The following ELP1 variants were observed in gnomAD, a reference collection of about 807,000 sequenced individuals.
ELP1 encodes the protein elongator complex protein 1.
A neutral mutation model predicts 183.2 loss-of-function variants in ELP1; 131 were observed. The observed-to-expected ratio is 0.72, with a 90% confidence interval of 0.62 to 0.83. The LOEUF is 0.83. Ranked by LOEUF, ELP1 falls within the 40% of genes least tolerant of loss-of-function variation. ELP1 has a pLI of 0.00. For synonymous variants in ELP1, 555 were observed against 569.0 expected, an observed-to-expected ratio of 0.98 and a Z score of 0.35; for missense variants, 1,550 against 1,594.9, an observed-to-expected ratio of 0.97 and a Z score of 0.48.
chr9:108,919,189 T>A (rs1489871158), intron 7 of ELP1, 64 bp downstream of exon 7: 2 of 1,149,310 alleles, frequency 1.7e-6, no homozygotes, highest in African/African-American at 3.1e-5. Context: ...AGAAAGAAAA[T>A]TTTCCTTAAT....
chr9:108,926,753 A>G, intron 4 of ELP1, 150 bp from the exon 5 acceptor site: 4 of 669,364 alleles, frequency 6.0e-6, no homozygotes, highest in East Asian at 5.5e-5. Flanking sequence ...AAAAAACAAC[A>G]ATGACAAAAA....
At chr9:108,888,322 T>C (rs1358428515) in intron 29 of ELP1, among the ~76,000 whole-genome samples, 1 of 152,192 alleles carries the variant, frequency 6.6e-6, no homozygotes, top group Non-Finnish European at 1.5e-5. Flanking sequence ...ATGAGTGCAA[T>C]GGTGGTTACA....
At chr9:108,884,733 G>A (rs151060347) in intron 29 of ELP1, among the ~76,000 whole-genome samples, 130 of 152,220 alleles carry the variant, frequency 8.5e-4, no homozygotes, top group Non-Finnish European at 1.2e-3. Context: ...GGAAAATTAT[G>A]GCATTATATG....
intron 16 of ELP1, among the ~76,000 whole-genome samples, chr9:108,902,404 T>C (rs556525758): frequency 3.3e-5 from 5 of 152,300 alleles, no homozygotes; most frequent in East Asian, 3.9e-4. Context: ...TTGAAATTAA[T>C]AGATCACAAG....
chr9:108,889,188 C>T, intron 29 of ELP1, 144 bp downstream of exon 29: 1 of 810,024 alleles, frequency 1.2e-6, no homozygotes, highest in East Asian at 2.4e-5. Context: ...CAAGTCAAGC[C>T]AGCAAGATAA....
At chr9:108,899,141 AC>A (rs1352344077) in intron 20 of ELP1, among the ~76,000 whole-genome samples, 1 of 140,136 alleles carries the variant, frequency 7.1e-6, no homozygotes, top group Non-Finnish European at 1.6e-5. Context: ...TACTGAAAAT[AC>A]AAAAAAAAAA....
At chr9:108,917,845 T>C (rs1052162086) in intron 8 of ELP1, among the ~76,000 whole-genome samples, 175 bp from the exon 9 acceptor site, 2 of 152,204 alleles carry the variant, frequency 1.3e-5, no homozygotes, top group African/African-American at 4.8e-5. Context: ...GGCGAGCGGT[T>C]CATCCCACTG....
chr9:108,918,786 C>T, intron 8 of ELP1, 25 bp downstream of exon 8: 1 of 1,560,464 alleles, frequency 6.4e-7, no homozygotes, highest in Non-Finnish European at 8.8e-7. Flanking sequence ...CCAAGAATTT[C>T]TCTAAGGTTT....
chr9:108,887,096 C>A (rs1828153433), intron 29 of ELP1, among the ~76,000 whole-genome samples: 1 of 152,076 alleles, frequency 6.6e-6, no homozygotes. Flanking sequence ...GCAGTCCCAG[C>A]TACTCAGGAG....
intron 28 of ELP1, 57 bp from the exon 29 acceptor site, chr9:108,889,450 G>C: frequency 6.7e-7 from 1 of 1,482,036 alleles, no homozygotes; most frequent in Non-Finnish European, 9.4e-7. Flanking sequence ...TTTAGCTCAA[G>C]TGCTTCTTTA....
chr9:108,916,311 A>G lies in ELP1; in HGVS notation c.865-14T>C. On this transcript the variant is annotated splice_polypyrimidine_tract_variant and intron_variant, in intron 9 of 36. Coordinates refer to ENST00000374647, the MANE Select transcript of ELP1 (RefSeq NM_003640.5). ...CAAGTCATTTACCTAGAAGGGAAAA[A>G]AGATCTGTCATTGGCTTTCAGTTAT... The G allele has an allele frequency of 6.3e-7, 1 of 1,592,552 alleles. No individual in the cohort carries two copies. Among genetic ancestry groups the G allele is most frequent in the Non-Finnish European group, 8.6e-7 (1 of 1,160,354 alleles).
rs749213608 is a variant in ELP1 at position 108,894,060 on chromosome 9, T to C, written c.2743A>G (p.Lys915Glu). Residue 915 changes from lysine (K) to glutamate (E), a missense_variant, in exon 26 of 37, where the codon AAA (lysine) becomes GAA (glutamate). Coordinates refer to ENST00000374647, the MANE Select transcript of ELP1 (RefSeq NM_003640.5). ...MVAEKSQKDP[K>E]EYLPFLNTLK... ...GTATTAAGAAATGGAAGATATTCTTTGGGATCCTAAAAAAATGATTAATGA... is the reference window on the plus strand; with the variant it reads ...GTATTAAGAAATGGAAGATATTCTTCGGGATCCTAAAAAAATGATTAATGA... The C allele has an allele frequency of 2.1e-5, 31 of 1,486,014 alleles. No homozygotes were observed. Among genetic ancestry groups the C allele is most frequent in the Non-Finnish European group, 2.9e-5 (31 of 1,067,156 alleles). The allele number at this position is 1,486,014 out of a possible 1,614,324, so 92.1% of individuals were successfully genotyped here. A position where few individuals can be genotyped will look rare whatever the true frequency, so the allele number is the denominator to read the frequency against.
chr9:108,892,116 G>A (rs936281474), intron 27 of ELP1, among the ~76,000 whole-genome samples: 1 of 152,154 alleles, frequency 6.6e-6, no homozygotes, highest in Non-Finnish European at 1.5e-5. Context: ...TGGTGGAGGC[G>A]ACAAACCAGC....
rs183252953 is a variant in ELP1, at chr9:108,871,840, A to G, written c.3932-2658T>C. ...CACATAAAAGCTGCATCTTCAATAC[A>G]ACATAAAAAGGTATTTTGCAAAAAG... On this transcript the variant is annotated intron_variant, in intron 36 of 36. Coordinates refer to ENST00000374647, the MANE Select transcript of ELP1 (RefSeq NM_003640.5). Among the ~76,000 whole-genome samples the G allele has an allele frequency of 1.9e-4, 29 of 152,334 alleles. No homozygotes were observed. The East Asian group carries it at 5.4e-3, about 28-fold the overall frequency.
chr9:108,929,228 G>T (rs1419795510), intron 3 of ELP1, among the ~76,000 whole-genome samples: 1 of 150,814 alleles, frequency 6.6e-6, no homozygotes, highest in Non-Finnish European at 1.5e-5. Context: ...CTGTTAAGAA[G>T]GTGAGGATAG....
chr9:108,896,755 A>C, intron 24 of ELP1, 111 bp from the exon 25 acceptor site: 1 of 1,112,024 alleles, frequency 9.0e-7, no homozygotes, highest in Non-Finnish European at 1.4e-6. Flanking sequence ...ACTGGACATC[A>C]GAAGAATATA....
chr9:108,876,062 C>G (rs1827694603), intron 35 of ELP1, among the ~76,000 whole-genome samples: 1 of 152,090 alleles, frequency 6.6e-6, no homozygotes, highest in African/African-American at 2.4e-5. Flanking sequence ...CACTTGAGCC[C>G]AGGAGTTGTT....
Position 108,896,495 on chromosome 9 carries a change from C to T in ELP1, c.2736+1G>A, listed in dbSNP as rs1828551795. On this transcript the variant is annotated splice_donor_variant, in intron 25 of 36. Transcript: ENST00000374647. LOFTEE classifies it high-confidence loss of function. ...GGCATAAAAGTAAGAACTCCACATA[C>T]CTTCTGTGACTTCTCAGCTACCATG... 6.2e-7 allele frequency: 1 copy of T among 1,613,844 alleles called. No homozygotes were observed. The highest frequency in any genetic ancestry group is 1.1e-5 in the South Asian group (1 of 91,086).
chr9:108,909,368 T>C (rs1293422435), intron 12 of ELP1, among the ~76,000 whole-genome samples: 3 of 151,976 alleles, frequency 2.0e-5, no homozygotes, highest in African/African-American at 7.3e-5. Context: ...TAATAAACAA[T>C]CAAGAAGCAA....
Sources: allele counts gnomAD v4.1 joint callset (sites outside exome capture counted in the v4.1 genomes callset), GRCh38; gene constraint gnomAD v4.1.1; transcripts MANE v1.5; gene names NCBI Gene and HGNC (gene_info 2026-07-23, HGNC 2026-07-21).